Variants in ATRNL1 observed in about 807,000 individuals in gnomAD.
ATRNL1 encodes attractin-like protein 1.
Under a neutral mutation model 182.7 loss-of-function variants are expected in ATRNL1, and 95 were observed. The ratio of observed to expected loss-of-function variants is 0.52; its 90% CI spans 0.44 to 0.62. The LOEUF (loss-of-function observed/expected upper bound fraction) is 0.62. Ranked by LOEUF, ATRNL1 falls within the 20% of genes least tolerant of loss-of-function variation. The pLI, the probability that ATRNL1 is intolerant of heterozygous loss-of-function variation, is 0.00. For missense variants in ATRNL1, 1,471 were observed against 1,679.5 expected (o/e 0.88, Z 2.17); for synonymous variants, 576 against 568.3 (o/e 1.01, Z -0.19).
At chr10:115,890,281 A>C (rs998207872) in intron 28 of ATRNL1, among the ~76,000 whole-genome samples, 9 of 152,268 alleles carry the variant, frequency 5.9e-5, no homozygotes, top group Admixed American at 5.9e-4. Context: ...TTAAGCAGAG[A>C]ATGAGAAGTT....
At chr10:115,383,459 A>G (rs538003540) in intron 19 of ATRNL1, among the ~76,000 whole-genome samples, 1 of 152,072 alleles carries the variant, frequency 6.6e-6, no homozygotes, top group South Asian at 2.1e-4. Context: ...CTATGTGTAT[A>G]GTTAGATATT....
intron 26 of ATRNL1, among the ~76,000 whole-genome samples, chr10:115,634,249 T>A (rs1858717771): frequency 2.6e-5 from 4 of 152,160 alleles, no homozygotes; most frequent in African/African-American, 9.7e-5. Context: ...CCTTACAATT[T>A]TCCGACTCAC....
At chr10:115,689,660 C>T (rs1451611295) in intron 26 of ATRNL1, among the ~76,000 whole-genome samples, 3 of 152,134 alleles carry the variant, frequency 2.0e-5, no homozygotes, top group Admixed American at 6.5e-5. Flanking sequence ...GTAGTGGCAG[C>T]AGTGGACCAG....
intron 19 of ATRNL1, among the ~76,000 whole-genome samples, chr10:115,382,827 A>C (rs1345173781): frequency 6.6e-6 from 1 of 151,768 alleles, no homozygotes; most frequent in Admixed American, 6.6e-5. Flanking sequence ...TTTTACTGTT[A>C]AACATGTTAG....
At chr10:115,250,702 T>C (rs1850840182) in intron 10 of ATRNL1, among the ~76,000 whole-genome samples, 1 of 152,234 alleles carries the variant, frequency 6.6e-6, no homozygotes, top group Admixed American at 6.5e-5. Context: ...TCAGATGAGC[T>C]GTCTGAGAAT....
chr10:115,347,432 T>C (rs909061357), intron 19 of ATRNL1, among the ~76,000 whole-genome samples: 1 of 152,174 alleles, frequency 6.6e-6, no homozygotes, highest in Non-Finnish European at 1.5e-5. Flanking sequence ...ATTATTTTAA[T>C]GTAGTAATGT....
rs1949744841 is a variant in ATRNL1 at position 115,799,647 on chromosome 10, A to T, written c.3904-48230A>T. Among the ~76,000 whole-genome samples the T allele has an allele frequency of 2.6e-5, 4 of 152,182 alleles. No individual in the cohort carries two copies. The South Asian group carries it at 8.3e-4, about 31-fold the overall frequency. Reference sequence around the variant, plus strand: ...TCACCACTAGGTGGTGCCGAACTTCAGCCCAGGGTAGGTGAAATTTGCATC... The same window carrying T: ...TCACCACTAGGTGGTGCCGAACTTCTGCCCAGGGTAGGTGAAATTTGCATC... On this transcript the variant is annotated intron_variant, in intron 27 of 28. Transcript: ENST00000355044.
intron 28 of ATRNL1, among the ~76,000 whole-genome samples, chr10:115,934,788 C>A (rs1045523329): frequency 6.6e-6 from 1 of 152,300 alleles, no homozygotes; most frequent in East Asian, 1.9e-4. Flanking sequence ...TTCTGCCTTG[C>A]AGATTAAAAA....
At chr10:115,476,832 A>G (rs568629996) in intron 24 of ATRNL1, among the ~76,000 whole-genome samples, 35 of 151,472 alleles carry the variant, frequency 2.3e-4, no homozygotes, top group African/African-American at 8.0e-4. Context: ...CCTAACTACT[A>G]GAAATTACTC....
chr10:115,573,388 A>G (rs1447658085), intron 26 of ATRNL1, among the ~76,000 whole-genome samples: 3 of 149,900 alleles, frequency 2.0e-5, no homozygotes, highest in East Asian at 2.0e-4. Flanking sequence ...CTCCTCATCA[A>G]TGTCCTCACT....
intron 26 of ATRNL1, among the ~76,000 whole-genome samples, chr10:115,605,876 T>C (rs1856846191): frequency 2.0e-5 from 3 of 152,008 alleles, no homozygotes; most frequent in Non-Finnish European, 4.4e-5. Context: ...ATTTCCAACA[T>C]TTGTAATCCT....
At position 115,939,394 on chromosome 10, in the gene ATRNL1, G is replaced by T. The variant is rs113347832; in HGVS notation, c.4019-5264G>T. Among the ~76,000 whole-genome samples the T allele has an allele frequency of 2.6e-5, 4 of 152,202 alleles. No individual in the cohort carries two copies. In the South Asian group the frequency reaches 8.3e-4, roughly 32 times the overall value. On this transcript the variant is annotated intron_variant, in intron 28 of 28. Coordinates refer to ENST00000355044, the MANE Select transcript of ATRNL1 (RefSeq NM_207303.4). Reference sequence around the variant, plus strand: ...GAGGATGGTATGTTCCTTCCTATGCGGTTTATACTTCCTATTTAAATAATC... The same window carrying T: ...GAGGATGGTATGTTCCTTCCTATGCTGTTTATACTTCCTATTTAAATAATC...
chr10:115,215,229 GAAAGTGGGGCTTATAACCAACAAATAA>G (rs1429036244), intron 8 of ATRNL1, among the ~76,000 whole-genome samples: 8 of 152,098 alleles, frequency 5.3e-5, no homozygotes, highest in African/African-American at 1.9e-4. Context: ...TTATAAAAAG[GAAAGTGGGGCTTATAACCAACAAATAA>G]AGGACCAGCA....
At chr10:115,201,242 C>G (rs1455024058) in intron 8 of ATRNL1, among the ~76,000 whole-genome samples, 1 of 151,788 alleles carries the variant, frequency 6.6e-6, no homozygotes, top group Non-Finnish European at 1.5e-5. Context: ...TAATGAGATC[C>G]CATTTGTCAA....
At chr10:115,724,748 CA>C (rs782403318) in intron 26 of ATRNL1, among the ~76,000 whole-genome samples, 58 of 152,148 alleles carry the variant, frequency 3.8e-4, no homozygotes, top group Admixed American at 5.9e-4. Flanking sequence ...TAAGCTCAAA[CA>C]GCTAAAAAGT....
At chr10:115,141,830 T>A (rs1473770914) in intron 5 of ATRNL1, among the ~76,000 whole-genome samples, 1 of 152,184 alleles carries the variant, frequency 6.6e-6, no homozygotes, top group African/African-American at 2.4e-5. Context: ...ATCTGACTTT[T>A]TTGTGAGAGC....
chr10:115,532,252 T>C (rs1851639633), intron 25 of ATRNL1, among the ~76,000 whole-genome samples: 1 of 152,236 alleles, frequency 6.6e-6, no homozygotes, highest in African/African-American at 2.4e-5. Context: ...TGATTCTTCC[T>C]ACCCATGAGC....
At chr10:115,109,109 T>A (rs1554867050) in intron 1 of ATRNL1, among the ~76,000 whole-genome samples, 1 of 152,202 alleles carries the variant, frequency 6.6e-6, no homozygotes, top group Non-Finnish European at 1.5e-5. Flanking sequence ...TGAGCCCTCA[T>A]CAGAATCATC....
intron 28 of ATRNL1, among the ~76,000 whole-genome samples, chr10:115,905,881 G>T (rs1240394867): frequency 1.1e-4 from 17 of 152,106 alleles, no homozygotes; most frequent in African/African-American, 3.6e-4. Context: ...GAACTTAAGA[G>T]AAGTTAATTC....
Sources: gnomAD v4.1 joint callset for allele counts (sites outside exome capture counted in the v4.1 genomes callset) on GRCh38, gnomAD v4.1.1 for gene constraint, MANE v1.5 for transcripts, NCBI Gene and HGNC (gene_info 2026-07-23, HGNC 2026-07-21) for gene names.